Variants in ITGB4 observed in about 807,000 individuals in gnomAD.
ITGB4 encodes integrin beta-4.
A neutral mutation model predicts 207.6 loss-of-function variants in ITGB4; 159 were observed. That is an observed-to-expected ratio of 0.77 (90% CI 0.67 to 0.87). The LOEUF (loss-of-function observed/expected upper bound fraction) is 0.87, where lower values mean the gene tolerates loss of function less well. Ranked by LOEUF, ITGB4 falls within the 40% of genes least tolerant of loss-of-function variation. The probability of loss-of-function intolerance (pLI) is 0.00; values close to 1 mark genes in which losing one functional copy is unlikely to be tolerated. For missense variants in ITGB4, 2,278 were observed against 2,546.8 expected (o/e 0.89, Z 2.27); for synonymous variants, 1,020 against 1,062.7 (o/e 0.96, Z 0.78).
In ITGB4 at chr17:75,742,734, G is replaced by C; in HGVS notation, c.2935G>C (p.Val979Leu). 1 of 1,612,014 alleles carries C rather than the reference G, an allele frequency of 6.2e-7. No individual in the cohort carries two copies. The highest frequency in any genetic ancestry group is 8.5e-7 in the Non-Finnish European group (1 of 1,180,006). The change falls in exon 25 of 40, where the codon GTA becomes CTA. Residue 979 changes from valine to leucine, a missense_variant. Val to Leu is a conservative substitution (Grantham distance 32). Coordinates refer to ENST00000200181, the MANE Select transcript of ITGB4 (RefSeq NM_000213.5). The surrounding 1 kb of genome is among the most constrained non-coding windows in gnomAD (Gnocchi z 5.9). ...AGTATLGRRL[V>L]NITIIKEQAR... Reference sequence around the variant, plus strand: ...CACTGCCACCCTCGGCCGCCGCCTGGTAAACATCACCATCATCAAGGAGCA... The same window carrying C: ...CACTGCCACCCTCGGCCGCCGCCTGCTAAACATCACCATCATCAAGGAGCA...
chr17:75,728,986 C>CAA (rs933959785), intron 6 of ITGB4, among the ~76,000 whole-genome samples: 66 of 45,206 alleles, frequency 1.5e-3, no homozygotes, highest in Non-Finnish European at 2.1e-3. Context: ...TCTGTCTCAA[C>CAA]AAAAAAAAAA....
intron 32 of ITGB4, 39 bp downstream of exon 32, chr17:75,752,616 G>T (rs771169031): frequency 6.2e-7 from 1 of 1,612,190 alleles, no homozygotes; most frequent in Non-Finnish European, 8.5e-7. Flanking sequence ...GACAGTGGGG[G>T]TCTTGGGTAC....
At chr17:75,747,587 C>A (rs919915453) in intron 26 of ITGB4, among the ~76,000 whole-genome samples, 2 of 152,306 alleles carry the variant, frequency 1.3e-5, no homozygotes, top group Non-Finnish European at 1.5e-5. Context: ...AGGAACTAAT[C>A]AAGGATTTGG....
rs760900966 is a variant in ITGB4, at chr17:75,730,321, C to T, written c.819C>T (p.Gly273=). 9.9e-6 allele frequency: 16 copies of T among 1,613,622 alleles called. No individual in the cohort carries two copies. Among genetic ancestry groups the T allele is most frequent in the South Asian group, 7.7e-5 (7 of 91,082 alleles). ...CAGCCTTCCACTATGAGGCTGATGGCGCCAACGTGCTGGCTGGCATCATGA... is the reference window on the plus strand; with the variant it reads ...CAGCCTTCCACTATGAGGCTGATGGTGCCAACGTGCTGGCTGGCATCATGA... ...TESAFHYEAD[G]ANVLAGIMSR... The change falls in exon 8 of 40, where the codon GGC becomes GGT. Residue 273 remains glycine, a synonymous_variant. Coordinates refer to ENST00000200181, the MANE Select transcript of ITGB4 (RefSeq NM_000213.5).
chr17:75,742,796 G>A lies in ITGB4; in HGVS notation c.2962+35G>A, dbSNP rs375308509. ...GGTGGGGAGAGTGGGGAAGGCAGAC[G>A]GGGGCTCGGGGGCACTGGTTCCTCC... On this transcript the variant is annotated intron_variant, in intron 25 of 39. Coordinates refer to ENST00000200181, the MANE Select transcript of ITGB4 (RefSeq NM_000213.5). This position sits in a 1 kb window ranked among gnomAD's most constrained non-coding sequence, Gnocchi z 5.9. 1.0e-5 allele frequency: 16 copies of A among 1,573,910 alleles called. No individual in the cohort carries two copies. The East Asian group carries it at 1.4e-4, about 13-fold the overall frequency.
In ITGB4 at chr17:75,737,810, G is replaced by A. The variant is rs114515284; in HGVS notation, c.2220+166G>A. 3.3e-3 allele frequency among the ~76,000 whole-genome samples: 503 copies of A among 151,216 alleles called. 4 individuals carry two copies. Among genetic ancestry groups the A allele is most frequent in the African/African-American group, 0.012 (476 of 41,074 alleles). On this transcript the variant is annotated intron_variant, in intron 18 of 39. Transcript: ENST00000200181. ...TCCCCAGGGTCCCCATCCCAACAGG[G>A]TCCCCATCCTCCACCACGGTCCCCA... is the stretch of plus-strand genomic sequence containing the variant.
At position 75,728,403 on chromosome 17, in the gene ITGB4, G is replaced by GACTA. The variant is rs1480216017; in HGVS notation, c.497_500dup (p.Tyr167Ter). The GACTA allele has an allele frequency of 6.2e-7, 1 of 1,613,852 alleles. No individual in the cohort carries two copies. Among genetic ancestry groups the GACTA allele is most frequent in the African/African-American group, 1.3e-5 (1 of 74,856 alleles). On this transcript the variant is annotated stop_gained and frameshift_variant, in exon 6 of 40. Coordinates refer to ENST00000200181, the MANE Select transcript of ITGB4 (RefSeq NM_000213.5). LOFTEE classifies it high-confidence loss of function. ...TCGGGTCCTGAGCCAGCTCACCAGC[G>GACTA]ACTACACTATTGGATTTGGCAAGTT... is the stretch of plus-strand genomic sequence containing the variant.
rs1456137389 is a variant in ITGB4, at chr17:75,739,773, A to T, written c.2254+68A>T. The T allele has an allele frequency of 1.2e-6, 2 of 1,611,234 alleles. No homozygotes were observed. The highest frequency in any genetic ancestry group is 1.3e-5 in the African/African-American group (1 of 74,792). On this transcript the variant is annotated intron_variant, in intron 19 of 39. Transcript: ENST00000200181. This position sits in a 1 kb window ranked among gnomAD's most constrained non-coding sequence, Gnocchi z 5.4. ...TCTTTCTCTGAGCTGGGGTGGAGGG[A>T]AGCTGAACCTGGAACGGCAGAGGCT... is the stretch of plus-strand genomic sequence containing the variant.
Position 75,742,378 on chromosome 17 carries a change from C to T in ITGB4, c.2671C>T (p.Pro891Ser). Residue 891 changes from proline to serine, a missense_variant, in exon 24 of 40, where the codon CCC becomes TCC. Physicochemically the swap from Pro to Ser is moderately conservative, Grantham distance 74. Transcript: ENST00000200181. This position sits in a 1 kb window ranked among gnomAD's most constrained non-coding sequence, Gnocchi z 5.9. ...CATTGTGGACACAGTGCTGATGGCG[C>T]CCCGCTCGGCCAAGCCGGCCCTGCT... ...HTIVDTVLMAPRSAKPALLKL... is the reference protein window; with the variant it reads ...HTIVDTVLMASRSAKPALLKL... 2 of 1,613,428 alleles carry T rather than the reference C, an allele frequency of 1.2e-6. No homozygotes were observed. Among genetic ancestry groups the T allele is most frequent in the Non-Finnish European group, 1.7e-6 (2 of 1,180,038 alleles).
Position 75,727,565 on chromosome 17 carries a change from G to A in ITGB4, c.264+60G>A. On this transcript the variant is annotated intron_variant, in intron 4 of 39. Coordinates refer to ENST00000200181, the MANE Select transcript of ITGB4 (RefSeq NM_000213.5). This position sits in a 1 kb window ranked among gnomAD's most constrained non-coding sequence, Gnocchi z 6.0. ...ATGCTCAGCCTGGCTATTTATGGGGGTGTATAGTGCCCCTTGGCCGGGCTG... is the reference window on the plus strand; with the variant it reads ...ATGCTCAGCCTGGCTATTTATGGGGATGTATAGTGCCCCTTGGCCGGGCTG... The A allele has an allele frequency of 1.9e-6, 3 of 1,594,158 alleles. No individual in the cohort carries two copies. The highest frequency in any genetic ancestry group is 3.5e-5 in the Admixed American group (2 of 57,536).
rs886053415 is a variant in ITGB4 at position 75,754,573 on chromosome 17, C to A, written c.4319-3C>A. On this transcript the variant is annotated splice_region_variant and splice_polypyrimidine_tract_variant and intron_variant, in intron 33 of 39. Coordinates refer to ENST00000200181, the MANE Select transcript of ITGB4 (RefSeq NM_000213.5). ...ACCAAGGGACCCTGCTCTCCCCCTGCAGAGCACCTGGTGAATGGCCGGATG... is the reference window on the plus strand; with the variant it reads ...ACCAAGGGACCCTGCTCTCCCCCTGAAGAGCACCTGGTGAATGGCCGGATG... 6.2e-7 allele frequency: 1 copy of A among 1,613,586 alleles called. No homozygotes were observed. Among genetic ancestry groups the A allele is most frequent in the Non-Finnish European group, 8.5e-7 (1 of 1,179,974 alleles).
chr17:75,739,622 G>C lies in ITGB4; in HGVS notation c.2221-50G>C. On this transcript the variant is annotated intron_variant, in intron 18 of 39. Transcript: ENST00000200181. The surrounding 1 kb of genome is among the most constrained non-coding windows in gnomAD (Gnocchi z 5.4). ...GCGGGGTGGCTGGAAGGGCTTACCT[G>C]GGCCAGGGCAGCTGTCTCAGGCCTC... 1 of 1,611,980 alleles carries C rather than the reference G, an allele frequency of 6.2e-7. No individual in the cohort carries two copies. The highest frequency in any genetic ancestry group is 1.7e-5 in the Admixed American group (1 of 60,022).
intron 2 of ITGB4, 147 bp downstream of exon 2, chr17:75,724,929 T>A: frequency 1.3e-6 from 1 of 741,448 alleles, no homozygotes; most frequent in Non-Finnish European, 2.4e-6. Context: ...GCTGGAAAAC[T>A]TGAGGCTCCA....
At position 75,750,053 on chromosome 17, in the gene ITGB4, G is replaced by A. The variant is rs2061331237; in HGVS notation, c.3317-58G>A. The stretch of plus-strand genomic sequence containing the variant: ...CTGGGTGTTGAAGTGGGTCTCTGGC[G>A]CCCCCTGGTGGTGAAGGGGGATCTG... On this transcript the variant is annotated intron_variant, in intron 27 of 39. Transcript: ENST00000200181. This position sits in a 1 kb window ranked among gnomAD's most constrained non-coding sequence, Gnocchi z 5.5. 34 of 1,601,990 alleles carry A rather than the reference G, an allele frequency of 2.1e-5. No individual in the cohort carries two copies. The highest frequency in any genetic ancestry group is 4.5e-5 in the East Asian group (2 of 44,796).
At chr17:75,748,745 C>A in intron 26 of ITGB4, 96 bp from the exon 27 acceptor site, 1 of 881,776 alleles carries the variant, frequency 1.1e-6, no homozygotes, top group Non-Finnish European at 1.8e-6. Context: ...CAGGGATGGT[C>A]TCTGCAGTGT....
At chr17:75,746,448 G>A (rs2061234442) in intron 26 of ITGB4, 1 of 151,926 alleles carries the variant, frequency 6.6e-6, no homozygotes, top group Admixed American at 6.6e-5. Context: ...GGTCAGGCTG[G>A]TCTCGAACTC....
intron 13 of ITGB4, among the ~76,000 whole-genome samples, chr17:75,734,854 G>A (rs1298849242): frequency 6.6e-6 from 1 of 152,190 alleles, no homozygotes; most frequent in Non-Finnish European, 1.5e-5. Flanking sequence ...TGGGGAAGGA[G>A]GCAGGGCCAG....
At position 75,756,477 on chromosome 17, in the gene ITGB4, T is replaced by C. The variant is rs1330198923; in HGVS notation, c.4757T>C (p.Val1586Ala). ...CCCAACCCTGCCCAGACCTCGGTGGTGGTGGAAGACCTCCTGCCCAACCAC... is the reference window on the plus strand; with the variant it reads ...CCCAACCCTGCCCAGACCTCGGTGGCGGTGGAAGACCTCCTGCCCAACCAC... ...NIPNPAQTSV[V>A]VEDLLPNHSY... Residue 1586 changes from valine (V) to alanine (A), a missense_variant, in exon 36 of 40, where the codon GTG becomes GCG. Physicochemically the swap from Val to Ala is moderately conservative, Grantham distance 64. Coordinates refer to ENST00000200181, the MANE Select transcript of ITGB4 (RefSeq NM_000213.5). The C allele has an allele frequency of 6.2e-7, 1 of 1,613,178 alleles. No homozygotes were observed. Among genetic ancestry groups the C allele is most frequent in the East Asian group, 2.2e-5 (1 of 44,866 alleles).
In ITGB4 at chr17:75,733,646, G is replaced by T; in HGVS notation, c.1611G>T (p.Glu537Asp). The T allele has an allele frequency of 6.2e-7, 1 of 1,614,206 alleles. No individual in the cohort carries two copies. Among genetic ancestry groups the T allele is most frequent in the Non-Finnish European group, 8.5e-7 (1 of 1,180,042 alleles). The change falls in exon 13 of 40, where the codon GAG (glutamate) becomes GAT (aspartate). Residue 537 changes from glutamate (E) to aspartate (D), a missense_variant. Coordinates refer to ENST00000200181, the MANE Select transcript of ITGB4 (RefSeq NM_000213.5). ...GCCGCTACGAGGGTCAGTTCTGCGA[G>T]TATGACAACTTCCAGTGTCCCCGCA... ...GEGRYEGQFC[E>D]YDNFQCPRTS...
Sources: gnomAD v4.1 joint callset for allele counts (sites outside exome capture counted in the v4.1 genomes callset) on GRCh38, gnomAD v4.1.1 for gene constraint, Gnocchi (gnomAD v3.1) non-coding constraint, MANE v1.5 for transcripts, NCBI Gene and HGNC (gene_info 2026-07-23, HGNC 2026-07-21) for gene names.